Variants in KALRN observed in about 807,000 individuals in gnomAD.
KALRN encodes the protein kalirin.
Under a neutral mutation model 353.7 loss-of-function variants are expected in KALRN, and 70 were observed. The observed-to-expected ratio is 0.20, with a 90% CI of 0.16 to 0.24. The LOEUF is 0.24. Ranked by LOEUF, KALRN falls within the 10% of genes least tolerant of loss-of-function variation. The probability of loss-of-function intolerance (pLI) is 1.00; values close to 1 mark genes in which losing one functional copy is unlikely to be tolerated. For missense variants in KALRN, 2,791 were observed against 3,756.7 expected, an observed-to-expected ratio of 0.74 and a Z score of 6.72; for synonymous variants, 1,391 against 1,434.8, an observed-to-expected ratio of 0.97 and a Z score of 0.69.
At chr3:124,117,050 A>G (rs1168055091) in intron 1 of KALRN, among the ~76,000 whole-genome samples, 1 of 152,214 alleles carries the variant, frequency 6.6e-6, no homozygotes, top group Non-Finnish European at 1.5e-5. Context: ...CCAAATTAAC[A>G]TCTGCTCACC....
intron 1 of KALRN, among the ~76,000 whole-genome samples, chr3:124,100,984 G>A (rs2061815832): frequency 6.6e-6 from 1 of 152,140 alleles, no homozygotes; most frequent in Non-Finnish European, 1.5e-5. Flanking sequence ...GAACTCTGTT[G>A]CAAAATAACA....
At chr3:124,552,350 G>T (rs982104175) in intron 33 of KALRN, among the ~76,000 whole-genome samples, 1 of 152,188 alleles carries the variant, frequency 6.6e-6, no homozygotes, top group Non-Finnish European at 1.5e-5. Context: ...CAGACAGGCT[G>T]CCCGTCCCCA....
intron 33 of KALRN, among the ~76,000 whole-genome samples, chr3:124,526,974 A>G (rs2067643475): frequency 6.6e-6 from 1 of 152,204 alleles, no homozygotes. Context: ...AACAACAACA[A>G]CCACAGACAA....
chr3:124,440,398 T>A (rs1375527209), intron 18 of KALRN, among the ~76,000 whole-genome samples: 1 of 152,156 alleles, frequency 6.6e-6, no homozygotes, highest in African/African-American at 2.4e-5. Flanking sequence ...GGGAATGATA[T>A]GCCCAGTAAA....
At chr3:124,434,060 T>C (rs1036508735) in intron 16 of KALRN, among the ~76,000 whole-genome samples, 6 of 152,154 alleles carry the variant, frequency 3.9e-5, no homozygotes, top group Non-Finnish European at 7.3e-5. Flanking sequence ...TCTAGAGTGC[T>C]GCAAGGAAAA....
At chr3:124,249,809 G>A (rs1289368040) in intron 3 of KALRN, among the ~76,000 whole-genome samples, 1 of 152,172 alleles carries the variant, frequency 6.6e-6, no homozygotes, top group Non-Finnish European at 1.5e-5. Context: ...AAACATGCAA[G>A]CCTTCACCTC....
At chr3:124,147,954 A>G (rs74755420) in intron 1 of KALRN, among the ~76,000 whole-genome samples, 5,303 of 152,288 alleles carry the variant, frequency 0.035, 279 homozygotes, top group African/African-American at 0.12. Context: ...GTACACACAT[A>G]ATGGGTGCCT....
intron 34 of KALRN, among the ~76,000 whole-genome samples, chr3:124,577,164 C>G (rs965211149): frequency 6.6e-6 from 1 of 151,998 alleles, no homozygotes; most frequent in Admixed American, 6.6e-5. Context: ...GAACCACCCC[C>G]CTACCTTGAA....
At chr3:124,304,354 A>G (rs565353798) in intron 6 of KALRN, among the ~76,000 whole-genome samples, 1 of 152,274 alleles carries the variant, frequency 6.6e-6, no homozygotes, top group East Asian at 1.9e-4. Flanking sequence ...CTTTTTGATT[A>G]CCACCCTAGT....
chr3:124,286,791 C>T (rs2075955313), intron 5 of KALRN, among the ~76,000 whole-genome samples: 1 of 152,076 alleles, frequency 6.6e-6, no homozygotes, highest in Non-Finnish European at 1.5e-5. Context: ...TTTTGAAAGC[C>T]TTGTCTGCTA....
At chr3:124,475,109 T>C (rs995802369) in intron 26 of KALRN, among the ~76,000 whole-genome samples, 8 of 152,194 alleles carry the variant, frequency 5.3e-5, no homozygotes, top group African/African-American at 1.9e-4. Context: ...ACATGGTAGG[T>C]GTATATATTT....
At chr3:124,501,430 T>C (rs1358821070) in intron 33 of KALRN, among the ~76,000 whole-genome samples, 1 of 152,164 alleles carries the variant, frequency 6.6e-6, no homozygotes, top group Non-Finnish European at 1.5e-5. Flanking sequence ...CACATCAATG[T>C]AGTGGGTCAT....
chr3:124,362,215 A>T (rs1041858028), intron 10 of KALRN, among the ~76,000 whole-genome samples: 1 of 152,202 alleles, frequency 6.6e-6, no homozygotes, highest in Admixed American at 6.5e-5. Flanking sequence ...AACACACATC[A>T]CCAACAAGAG....
At chr3:124,458,438 T>C (rs2059549291) in intron 23 of KALRN, among the ~76,000 whole-genome samples, 1 of 152,182 alleles carries the variant, frequency 6.6e-6, no homozygotes, top group African/African-American at 2.4e-5. Context: ...ATCCTTTATC[T>C]ACAGCCCCCA....
At position 124,650,993 on chromosome 3, in the gene KALRN, T is replaced by C. The variant is rs1213938435; in HGVS notation, c.5795+55T>C. On this transcript the variant is annotated intron_variant, in intron 38 of 59. Coordinates refer to ENST00000682506, the MANE Select transcript of KALRN (RefSeq NM_001388419.1). ...GTGCACATGTGAGTGCGGTGGACAA[T>C]GGACAAAGGTTGGGGAAAATTCGAG... 7 of 1,596,258 alleles carry C rather than the reference T, an allele frequency of 4.4e-6. No individual in the cohort carries two copies. In the African/African-American group the frequency reaches 5.4e-5, roughly 12 times the overall value.
In KALRN at chr3:124,659,473, C is replaced by T. The variant is rs2084533402; in HGVS notation, c.6216+16C>T. ...GCTCCTCAAGGTAAGAAGCTGGGAGCCTGGGTGAGGGCTGGAGAAGGATCC... is the reference window on the plus strand; with the variant it reads ...GCTCCTCAAGGTAAGAAGCTGGGAGTCTGGGTGAGGGCTGGAGAAGGATCC... On this transcript the variant is annotated intron_variant, in intron 43 of 59. Transcript: ENST00000682506. 6.4e-7 allele frequency: 1 copy of T among 1,555,700 alleles called. No individual in the cohort carries two copies. Among genetic ancestry groups the T allele is most frequent in the African/African-American group, 1.4e-5 (1 of 73,756 alleles).
intron 25 of KALRN, among the ~76,000 whole-genome samples, chr3:124,472,863 A>G (rs894360399): frequency 2.0e-5 from 3 of 152,172 alleles, no homozygotes; most frequent in African/African-American, 7.2e-5. Flanking sequence ...CTGAAGCCCA[A>G]ATATCATTAT....
At position 124,709,539 on chromosome 3, in the gene KALRN, AG is replaced by A. The variant is rs1559879250; in HGVS notation, c.8076-3394del. On this transcript the variant is annotated intron_variant, in intron 57 of 59. Coordinates refer to ENST00000682506, the MANE Select transcript of KALRN (RefSeq NM_001388419.1). The stretch of plus-strand genomic sequence containing the variant: ...GTGATGCACCCACCTTGGTCTCCCA[AG>A]GTGTTGGGATTACAGGCGTGAGCCA... Among the ~76,000 whole-genome samples, 113 of 152,322 alleles carry A rather than the reference AG, an allele frequency of 7.4e-4. No individual in the cohort carries two copies. In the South Asian group the frequency reaches 7.9e-3, roughly 11 times the overall value.
At chr3:124,396,369 CAT>C (rs1460529171) in intron 12 of KALRN, among the ~76,000 whole-genome samples, 1 of 152,228 alleles carries the variant, frequency 6.6e-6, no homozygotes, top group Non-Finnish European at 1.5e-5. Flanking sequence ...CAAATATGCA[CAT>C]GAGATGCTCC....
Sources: gnomAD v4.1 joint callset for allele counts (sites outside exome capture counted in the v4.1 genomes callset) on GRCh38, gnomAD v4.1.1 for gene constraint, MANE v1.5 for transcripts, NCBI Gene and HGNC (gene_info 2026-07-23, HGNC 2026-07-21) for gene names.